The following SCG5 variants were observed in gnomAD, a reference collection of about 807,000 sequenced individuals.
SCG5 encodes neuroendocrine protein 7B2.
Under a neutral mutation model 25.7 loss-of-function variants are expected in SCG5, and 18 were observed. That is an observed-to-expected ratio of 0.70 (90% confidence interval 0.48 to 1.04). The LOEUF is 1.04. Ranked by LOEUF, SCG5 falls within the 50% of genes least tolerant of loss-of-function variation. The pLI, the probability that SCG5 is intolerant of heterozygous loss-of-function variation, is 0.00. For synonymous variants in SCG5, 101 were observed against 91.7 expected (o/e 1.10, Z -0.58); for missense variants, 206 against 259.8 (o/e 0.79, Z 1.42).
chr15:32,679,662 C>T (rs2054581739), intron 2 of SCG5, 104 bp from the exon 3 acceptor site: 2 of 1,263,608 alleles, frequency 1.6e-6, no homozygotes, highest in Non-Finnish European at 2.3e-6. Flanking sequence ...TTTCTCTCCC[C>T]ACAGCAGAAG....
intron 2 of SCG5, among the ~76,000 whole-genome samples, chr15:32,675,176 G>A (rs1487768160): frequency 1.3e-5 from 2 of 152,128 alleles, no homozygotes; most frequent in Non-Finnish European, 2.9e-5. Context: ...TGGCTGTGGT[G>A]GAAACATAAA....
intron 2 of SCG5, chr15:32,669,093 C>G (rs1034126387): frequency 3.3e-5 from 5 of 152,182 alleles, no homozygotes; most frequent in African/African-American, 1.2e-4. Flanking sequence ...AGAGAATTAT[C>G]CCAGAAATCC....
At chr15:32,686,726 C>T (rs1265716837) in intron 4 of SCG5, among the ~76,000 whole-genome samples, 1 of 152,168 alleles carries the variant, frequency 6.6e-6, no homozygotes, top group East Asian at 1.9e-4. Context: ...CACATTGAGC[C>T]TGCTGTGTTC....
chr15:32,686,941 C>T (rs1459396355), intron 4 of SCG5, among the ~76,000 whole-genome samples: 1 of 152,164 alleles, frequency 6.6e-6, no homozygotes, highest in Non-Finnish European at 1.5e-5. Context: ...GAGGAAGATC[C>T]AGAACTGAGG....
chr15:32,662,537 TTAGA>T (rs76819207), intron 2 of SCG5, among the ~76,000 whole-genome samples: 1,803 of 149,692 alleles, frequency 0.012, 39 homozygotes, highest in East Asian at 0.1. Flanking sequence ...TGCTTCTTTA[TTAGA>T]TCTAATTTTT....
chr15:32,692,501 G>A (rs780127214), intron 5 of SCG5, among the ~76,000 whole-genome samples: 41 of 152,122 alleles, frequency 2.7e-4, no homozygotes, highest in Non-Finnish European at 5.3e-4. Context: ...AGTGATCAAG[G>A]TCCATTCTGC....
At chr15:32,670,456 G>T (rs1354352929) in intron 2 of SCG5, among the ~76,000 whole-genome samples, 2 of 152,264 alleles carry the variant, frequency 1.3e-5, no homozygotes, top group Non-Finnish European at 2.9e-5. Flanking sequence ...ATTACCAAAT[G>T]CTGTGTGCTT....
At chr15:32,671,710 A>G (rs956919971) in intron 2 of SCG5, among the ~76,000 whole-genome samples, 2 of 151,790 alleles carry the variant, frequency 1.3e-5, no homozygotes, top group African/African-American at 4.8e-5. Context: ...AAAAAAAAAA[A>G]AGAAAAAACA....
At chr15:32,672,471 G>A (rs1302573167) in intron 2 of SCG5, among the ~76,000 whole-genome samples, 5 of 152,244 alleles carry the variant, frequency 3.3e-5, no homozygotes, top group South Asian at 2.1e-4. Context: ...ACTCAGGTGC[G>A]AAGGAACCAT....
Position 32,643,717 on chromosome 15 carries a change from G to A in SCG5, c.125G>A (p.Arg42Lys), listed in dbSNP as rs768930500. ...CGGGTCTCAGAAGCAGATATCCAGA[G>A]GCTGCTTCATGGTGTTATGGAGCAA... ...PDRVSEADIQ[R>K]LLHGVMEQLG... Residue 42 changes from arginine (R) to lysine (K), a missense_variant, in exon 2 of 6, where the codon AGG (arginine) becomes AAG (lysine). Arg to Lys is a conservative substitution (Grantham distance 26, BLOSUM62 2). Coordinates refer to ENST00000300175, the MANE Select transcript of SCG5 (RefSeq NM_001144757.3). 1 of 1,613,904 alleles carries A rather than the reference G, an allele frequency of 6.2e-7. No homozygotes were observed. Among genetic ancestry groups the A allele is most frequent in the South Asian group, 1.1e-5 (1 of 91,060 alleles).
intron 2 of SCG5, among the ~76,000 whole-genome samples, chr15:32,650,661 TGATGGCCTTG>T (rs137959695): frequency 8.5e-5 from 13 of 152,168 alleles, no homozygotes; most frequent in African/African-American, 1.9e-4. Flanking sequence ...CTGACACTGA[TGATGGCCTTG>T]GATGGCCTTG....
At chr15:32,694,170 T>C (rs17228592) in intron 5 of SCG5, among the ~76,000 whole-genome samples, 20,821 of 152,176 alleles carry the variant, frequency 0.14, 1,613 homozygotes, top group South Asian at 0.17. Context: ...TCCTAAGTGC[T>C]GGATTCAATA....
chr15:32,680,439 C>G (rs62001858), intron 3 of SCG5, among the ~76,000 whole-genome samples: 12,952 of 151,894 alleles, frequency 0.085, 756 homozygotes, highest in Non-Finnish European at 0.13. Context: ...ACCTCATGAT[C>G]CACCCTCCTC....
At chr15:32,679,998 C>T in intron 3 of SCG5, 83 bp downstream of exon 3, 2 of 1,275,518 alleles carry the variant, frequency 1.6e-6, no homozygotes, top group South Asian at 1.4e-5. Flanking sequence ...TACAAATATT[C>T]CCAGAAATTG....
chr15:32,691,926 T>C, intron 5 of SCG5, 163 bp downstream of exon 5: 1 of 1,464,178 alleles, frequency 6.8e-7, no homozygotes, highest in Non-Finnish European at 9.0e-7. Flanking sequence ...AGAAAGTCTG[T>C]CCTTGGTTTC....
chr15:32,684,007 G>A (rs184460661), intron 3 of SCG5, among the ~76,000 whole-genome samples: 14 of 152,318 alleles, frequency 9.2e-5, no homozygotes, highest in South Asian at 8.3e-4. Context: ...TTTTTCACCC[G>A]TGTGAAGTCC....
chr15:32,666,636 T>A (rs1362560105), intron 2 of SCG5: 1 of 152,252 alleles, frequency 6.6e-6, no homozygotes, highest in Non-Finnish European at 1.5e-5. Flanking sequence ...GGACCACATA[T>A]GTTTTTAAGT....
At chr15:32,646,871 A>G (rs559944197) in intron 2 of SCG5, among the ~76,000 whole-genome samples, 1 of 152,310 alleles carries the variant, frequency 6.6e-6, no homozygotes, top group Middle Eastern at 3.4e-3. Flanking sequence ...TATCTTCCAT[A>G]CCCTTCCAAC....
intron 1 of SCG5, among the ~76,000 whole-genome samples, chr15:32,642,568 CAAAAAAAA>C (rs11338067): frequency 4.0e-5 from 2 of 49,734 alleles, no homozygotes; most frequent in Admixed American, 3.1e-4. Flanking sequence ...AACTCCGTCT[CAAAAAAAA>C]AAAAAAAAAA....
Sources: gnomAD v4.1 joint callset for allele counts (sites outside exome capture counted in the v4.1 genomes callset) on GRCh38, gnomAD v4.1.1 for gene constraint, MANE v1.5 for transcripts, NCBI Gene and HGNC (gene_info 2026-07-23, HGNC 2026-07-21) for gene names.